NAA40: variants seen among roughly 807,000 people sequenced by gnomAD.
NAA40 encodes N-alpha-acetyltransferase 40.
A neutral mutation model predicts 36.6 loss-of-function variants in NAA40; 26 were observed. The ratio of observed to expected loss-of-function variants is 0.71; its 90% CI spans 0.52 to 0.98. The LOEUF (loss-of-function observed/expected upper bound fraction) is 0.98. Ranked by LOEUF, NAA40 falls within the 50% of genes least tolerant of loss-of-function variation. The pLI is 0.00. For missense variants in NAA40, 237 were observed against 306.5 expected, an observed-to-expected ratio of 0.77 and a Z score of 1.69; for synonymous variants, 129 against 108.4, an observed-to-expected ratio of 1.19 and a Z score of -1.18.
chr11:63,944,452 G>T (rs1942154799), intron 1 of NAA40, among the ~76,000 whole-genome samples: 1 of 152,138 alleles, frequency 6.6e-6, no homozygotes, highest in African/African-American at 2.4e-5. Flanking sequence ...CTGCATGCCT[G>T]TGCTCTCTTG....
chr11:63,954,146 A>T lies in NAA40; in HGVS notation c.572+97A>T, dbSNP rs186335294. ...CTCACTCATTCTGATGCCTGAGCTC[A>T]TGGTCCAGTGGTCCATGGGGGTTCA... On this transcript the variant is annotated intron_variant, in intron 7 of 7. Transcript: ENST00000377793. The T allele has an allele frequency of 2.9e-5, 41 of 1,429,028 alleles. No homozygotes were observed. In the East Asian group the frequency reaches 7.3e-4, roughly 25 times the overall value. 88.5% of individuals were successfully genotyped at this position (1,429,028 alleles called of 1,614,324 possible). A position where few individuals can be genotyped will look rare whatever the true frequency, so the allele number is the denominator to read the frequency against.
At position 63,954,798 on chromosome 11, in the gene NAA40, C is replaced by G. The variant is rs1942338194; in HGVS notation, c.*319C>G. 8.7e-6 allele frequency: 2 copies of G among 229,416 alleles called. No homozygotes were observed. Among genetic ancestry groups the G allele is most frequent in the African/African-American group, 4.5e-5 (2 of 44,214 alleles). 14.2% of individuals were successfully genotyped at this position (229,416 alleles called of 1,614,324 possible). On this transcript the variant is annotated 3_prime_UTR_variant, in exon 8 of 8. Transcript: ENST00000377793. ...GGAGGTTCTCGCACCTCTGCAGCCC[C>G]TAGATTCCTGGCAACCTCCCCTCCC... is the stretch of plus-strand genomic sequence containing the variant.
chr11:63,950,262 G>A (rs1942258265), intron 3 of NAA40, among the ~76,000 whole-genome samples: 1 of 151,814 alleles, frequency 6.6e-6, no homozygotes, highest in South Asian at 2.1e-4. Flanking sequence ...GGGACTGCAA[G>A]TACATGACAT....
chr11:63,943,942 C>T (rs2134268368), intron 1 of NAA40, among the ~76,000 whole-genome samples: 1 of 152,250 alleles, frequency 6.6e-6, no homozygotes, highest in Admixed American at 6.5e-5. Flanking sequence ...AGTTCTGTTC[C>T]AGGAGTCCAG....
intron 3 of NAA40, 59 bp downstream of exon 3, chr11:63,947,062 T>G: frequency 1.3e-6 from 2 of 1,508,236 alleles, no homozygotes; most frequent in Non-Finnish European, 1.8e-6. Flanking sequence ...GGAATTCCCT[T>G]TCCAGAGTAG....
intron 1 of NAA40, among the ~76,000 whole-genome samples, chr11:63,942,110 G>T (rs143434545): frequency 6.6e-6 from 1 of 152,286 alleles, no homozygotes; most frequent in African/African-American, 2.4e-5. Flanking sequence ...CTGCTGTTTG[G>T]TGAGCACTGG....
chr11:63,953,961 C>T lies in NAA40; in HGVS notation c.495-11C>T. Reference sequence around the variant, plus strand: ...CTCTTTCTAAAAGGCGTTTGCTCTGCTTTCTTCCAGCACACAGATGAAGAA... The same window carrying T: ...CTCTTTCTAAAAGGCGTTTGCTCTGTTTTCTTCCAGCACACAGATGAAGAA... On this transcript the variant is annotated splice_polypyrimidine_tract_variant and intron_variant, in intron 6 of 7. Transcript: ENST00000377793. The T allele has an allele frequency of 1.2e-6, 2 of 1,613,362 alleles. No individual in the cohort carries two copies. The highest frequency in any genetic ancestry group is 1.7e-6 in the Non-Finnish European group (2 of 1,179,570).
At chr11:63,944,033 G>A (rs150854774) in intron 1 of NAA40, among the ~76,000 whole-genome samples, 1,959 of 152,228 alleles carry the variant, frequency 0.013, 20 homozygotes, top group Middle Eastern at 0.037. Flanking sequence ...GTTCCACAGC[G>A]CTCAGCCATG....
At chr11:63,953,886 C>A in intron 6 of NAA40, 86 bp from the exon 7 acceptor site, 1 of 1,190,020 alleles carries the variant, frequency 8.4e-7, no homozygotes, top group Non-Finnish European at 1.2e-6. Context: ...CACCTTTGCC[C>A]CTCAAAGTGC....
intron 3 of NAA40, among the ~76,000 whole-genome samples, chr11:63,949,971 C>G (rs1942251300): frequency 6.6e-6 from 1 of 151,928 alleles, no homozygotes; most frequent in African/African-American, 2.4e-5. Context: ...GTCTCGATCT[C>G]CTGACCTTGT....
intron 6 of NAA40, among the ~76,000 whole-genome samples, 194 bp from the exon 7 acceptor site, chr11:63,953,778 C>G (rs1228506487): frequency 6.6e-6 from 1 of 152,118 alleles, no homozygotes; most frequent in African/African-American, 2.4e-5. Context: ...TGCCACTATA[C>G]TGGGCTGATT....
At chr11:63,939,630 C>T (rs1201017388) in intron 1 of NAA40, 3 of 298,834 alleles carry the variant, frequency 1.0e-5, no homozygotes, top group African/African-American at 2.3e-5. Flanking sequence ...GCCGGTTCCC[C>T]TACACTCTTT....
Position 63,952,845 on chromosome 11 carries a change from G to A in NAA40, c.494+6G>A. On this transcript the variant is annotated splice_donor_region_variant and intron_variant, in intron 6 of 7. Transcript: ENST00000377793. The stretch of plus-strand genomic sequence containing the variant: ...CTGCAGCTCATGGCCAACAGGTAAG[G>A]CCTCCCTTCTTAGGAGGCCCATATA... 6.2e-7 allele frequency: 1 copy of A among 1,613,706 alleles called. No homozygotes were observed. The highest frequency in any genetic ancestry group is 8.5e-7 in the Non-Finnish European group (1 of 1,179,726).
intron 3 of NAA40, among the ~76,000 whole-genome samples, chr11:63,948,123 G>A (rs1159085415): frequency 6.6e-6 from 1 of 152,166 alleles, no homozygotes; most frequent in Non-Finnish European, 1.5e-5. Flanking sequence ...CCAAAGTGCT[G>A]GGATTACAGG....
intron 1 of NAA40, among the ~76,000 whole-genome samples, chr11:63,944,276 G>A (rs1942151674): frequency 6.6e-6 from 1 of 152,174 alleles, no homozygotes; most frequent in Non-Finnish European, 1.5e-5. Context: ...GTCCGTGTCA[G>A]GGCTAGATGT....
In NAA40 at chr11:63,952,330, C is replaced by G. The variant is rs1565173413; in HGVS notation, c.248C>G (p.Thr83Ser). 6.2e-7 allele frequency: 1 copy of G among 1,613,826 alleles called. No individual in the cohort carries two copies. Residue 83 changes from threonine (T) to serine (S), a missense_variant, in exon 4 of 8, where the codon ACC becomes AGC. Thr to Ser is a moderately conservative substitution (Grantham distance 58). Coordinates refer to ENST00000377793, the MANE Select transcript of NAA40 (RefSeq NM_024771.4). ...GACCTGACCAAAACGAATATGCAAA[C>G]CATGTAAGCTTGTCCCAACCAGGGG... is the stretch of plus-strand genomic sequence containing the variant. ...AFDLTKTNMQTMYEQSEWGWK... is the reference protein window; with the variant it reads ...AFDLTKTNMQSMYEQSEWGWK...
chr11:63,940,780 C>G (rs1315528287), intron 1 of NAA40, among the ~76,000 whole-genome samples: 1 of 151,944 alleles, frequency 6.6e-6, no homozygotes, highest in African/African-American at 2.4e-5. Flanking sequence ...CGTGTCAAAA[C>G]AGTCATCGTG....
At chr11:63,947,129 G>A in intron 3 of NAA40, 126 bp downstream of exon 3, 1 of 1,009,990 alleles carries the variant, frequency 9.9e-7, no homozygotes, top group Non-Finnish European at 1.5e-6. Flanking sequence ...AAACAGGGCT[G>A]GGTGCGGTGG....
intron 1 of NAA40, among the ~76,000 whole-genome samples, chr11:63,945,551 T>A (rs1009319082): frequency 5.9e-5 from 9 of 152,196 alleles, no homozygotes; most frequent in African/African-American, 1.9e-4. Flanking sequence ...GGGGCTGGCC[T>A]GCTGTAGGCG....
Sources: allele counts gnomAD v4.1 joint callset (sites outside exome capture counted in the v4.1 genomes callset), GRCh38; gene constraint gnomAD v4.1.1; transcripts MANE v1.5; gene names NCBI Gene and HGNC (gene_info 2026-07-23, HGNC 2026-07-21).